The following PDE4B variants were observed in gnomAD, a reference collection of about 807,000 sequenced individuals.
The protein encoded by PDE4B is 3',5'-cyclic-AMP phosphodiesterase 4B.
In PDE4B, 20 loss-of-function variants were observed where a neutral mutation model predicts 82.2. The observed-to-expected ratio is 0.24, with a 90% CI of 0.17 to 0.35. PDE4B has a LOEUF of 0.35. Ranked by LOEUF, PDE4B falls within the 10% of genes least tolerant of loss-of-function variation. PDE4B has a pLI of 1.00. For synonymous variants in PDE4B, 320 were observed against 318.9 expected (o/e 1.00, Z -0.04); for missense variants, 655 against 907.2 (o/e 0.72, Z 3.57).
At position 66,257,926 on chromosome 1, in the gene PDE4B, C is replaced by T. The variant is rs915945164; in HGVS notation, c.584+63C>T. 2.7e-6 allele frequency: 3 copies of T among 1,091,548 alleles called. No homozygotes were observed. In the African/African-American group the frequency reaches 4.7e-5, roughly 17 times the overall value. The allele number at this position is 1,091,548 out of a possible 1,614,324, so 67.6% of individuals were successfully genotyped here. A position where few individuals can be genotyped will look rare whatever the true frequency, so the allele number is the denominator to read the frequency against. On this transcript the variant is annotated intron_variant, in intron 6 of 16. Transcript: ENST00000341517. ...CATAAAGGCAAAAAATATTGAGCAG[C>T]ATTTAAAAAAATACAACTATTACAT...
intron 3 of PDE4B, among the ~76,000 whole-genome samples, chr1:66,018,630 T>A (rs771808140): frequency 2.0e-5 from 3 of 152,156 alleles, no homozygotes; most frequent in Non-Finnish European, 4.4e-5. Context: ...GCAGTGACAA[T>A]TAACAGCTTA....
Position 66,081,822 on chromosome 1 carries a change from CTCTCTCTCTCTGTG to C in PDE4B, c.281+162989_281+163002del, listed in dbSNP as rs1553142758. Among the ~76,000 whole-genome samples, 180 of 128,246 alleles carry C rather than the reference CTCTCTCTCTCTGTG, an allele frequency of 1.4e-3. 3 individuals carry two copies. The East Asian group carries it at 0.018, about 13-fold the overall frequency. 84.1% of individuals were successfully genotyped at this position (128,246 alleles called of 152,430 possible). ...GAAAAGTAAAACTCTCTCTCTCTCTCTCTCTCTCTCTGTGTGTGTGTGTGTGTGTGTGTGTGTGT... is the reference window on the plus strand; with the variant it reads ...GAAAAGTAAAACTCTCTCTCTCTCTCTGTGTGTGTGTGTGTGTGTGTGTGT... On this transcript the variant is annotated intron_variant, in intron 3 of 16. Transcript: ENST00000341517.
At chr1:66,103,772 C>T (rs1275736758) in intron 3 of PDE4B, among the ~76,000 whole-genome samples, 1 of 152,062 alleles carries the variant, frequency 6.6e-6, no homozygotes, top group African/African-American at 2.4e-5. Flanking sequence ...TCCATGTGGT[C>T]TCTGAATGAA....
intron 1 of PDE4B, among the ~76,000 whole-genome samples, chr1:65,853,023 T>C (rs1646348691): frequency 1.3e-5 from 2 of 152,146 alleles, no homozygotes; most frequent in South Asian, 4.1e-4. Flanking sequence ...ATTTTCCTTT[T>C]CAGTTCTGCC....
intron 1 of PDE4B, among the ~76,000 whole-genome samples, chr1:65,804,971 G>A: frequency 8.7e-6 from 1 of 114,752 alleles, no homozygotes; most frequent in East Asian, 3.1e-4. Context: ...GGGGGGGTGG[G>A]TGGGGGGTGG....
At chr1:66,368,453 GTT>G (rs1663414176) in intron 15 of PDE4B, among the ~76,000 whole-genome samples, 1 of 152,204 alleles carries the variant, frequency 6.6e-6, no homozygotes, top group Non-Finnish European at 1.5e-5. Context: ...AAAATATGAA[GTT>G]ATCTACTTTG....
chr1:66,030,848 C>A (rs952632196), intron 3 of PDE4B, among the ~76,000 whole-genome samples: 3 of 152,144 alleles, frequency 2.0e-5, no homozygotes, highest in African/African-American at 7.2e-5. Flanking sequence ...CATAAGTGAC[C>A]TAATGCAAGA....
At chr1:66,204,482 G>A (rs973660805) in intron 3 of PDE4B, among the ~76,000 whole-genome samples, 3 of 152,264 alleles carry the variant, frequency 2.0e-5, no homozygotes, top group South Asian at 4.1e-4. Context: ...TCCTTGAGCT[G>A]TGGTGGGCTC....
At chr1:65,933,331 A>C (rs915114478) in intron 3 of PDE4B, among the ~76,000 whole-genome samples, 3 of 152,082 alleles carry the variant, frequency 2.0e-5, no homozygotes, top group Non-Finnish European at 2.9e-5. Context: ...AAAAAAAAAA[A>C]ACCTGCCAAT....
chr1:65,838,989 G>A (rs774131392), intron 1 of PDE4B, among the ~76,000 whole-genome samples: 1 of 152,042 alleles, frequency 6.6e-6, no homozygotes, highest in Non-Finnish European at 1.5e-5. Context: ...AACTTAAAAA[G>A]GTTGTATTAA....
chr1:66,372,608 A>G lies in PDE4B; in HGVS notation c.2141A>G (p.Glu714Gly), dbSNP rs370636828. Residue 714 changes from glutamate (E) to glycine (G), a missense_variant, in exon 17 of 17, where the codon GAA (glutamate) becomes GGA (glycine). Glu to Gly is a moderately conservative substitution (Grantham distance 98). Around this residue, in one of 3 missense-constraint regions of PDE4B, gnomAD observed 119 missense variants for 115.2 expected, o/e 1.03. Coordinates refer to ENST00000341517, the MANE Select transcript of PDE4B (RefSeq NM_002600.4). ...AAGACGCTTTGTGTGATTGATCCAG[A>G]AAACAGAGATTCCCTGGGAGAGACT... The part of the protein sequence containing the change: ...STKTLCVIDP[E>G]NRDSLGETDI... The G allele has an allele frequency of 1.2e-6, 2 of 1,613,994 alleles. No individual in the cohort carries two copies. The highest frequency in any genetic ancestry group is 1.3e-5 in the African/African-American group (1 of 74,932).
chr1:65,926,229 A>G (rs762546311), intron 3 of PDE4B, among the ~76,000 whole-genome samples: 5 of 152,174 alleles, frequency 3.3e-5, no homozygotes, highest in Admixed American at 6.5e-5. Context: ...TTGACTTGCT[A>G]TTTCCTTACT....
intron 3 of PDE4B, among the ~76,000 whole-genome samples, chr1:66,184,991 C>T (rs1647153523): frequency 6.6e-6 from 1 of 152,034 alleles, no homozygotes; most frequent in South Asian, 2.1e-4. Context: ...CCTCCCCCCT[C>T]CTCCCACCCC....
intron 7 of PDE4B, 127 bp from the exon 8 acceptor site, chr1:66,332,381 G>C: frequency 6.2e-7 from 1 of 1,613,280 alleles, no homozygotes; most frequent in Non-Finnish European, 8.5e-7. Flanking sequence ...AGGAGCCAGC[G>C]TGCAAATAAT....
At chr1:66,302,333 C>T (rs1273141922) in intron 7 of PDE4B, among the ~76,000 whole-genome samples, 1 of 152,198 alleles carries the variant, frequency 6.6e-6, no homozygotes, top group Admixed American at 6.6e-5. Flanking sequence ...ATCTTACTGT[C>T]ATCTGTTACC....
intron 3 of PDE4B, among the ~76,000 whole-genome samples, chr1:66,105,996 G>C (rs1014498011): frequency 7.9e-5 from 12 of 152,094 alleles, no homozygotes; most frequent in African/African-American, 2.9e-4. Context: ...AGTGGTGAGA[G>C]AGGGCATCCC....
At chr1:66,366,865 G>GT (rs1663289955) in intron 13 of PDE4B, among the ~76,000 whole-genome samples, 1 of 152,216 alleles carries the variant, frequency 6.6e-6, no homozygotes, top group Admixed American at 6.5e-5. Flanking sequence ...ATTGGAGGTT[G>GT]TAACTAAGAG....
intron 3 of PDE4B, among the ~76,000 whole-genome samples, chr1:65,996,543 G>A (rs6688477): frequency 0.039 from 5,986 of 152,024 alleles, 400 homozygotes; most frequent in African/African-American, 0.14. Flanking sequence ...TATATTTTAA[G>A]TTTTTTACTA....
At chr1:66,085,160 C>G (rs1471149475) in intron 3 of PDE4B, among the ~76,000 whole-genome samples, 1 of 152,172 alleles carries the variant, frequency 6.6e-6, no homozygotes, top group African/African-American at 2.4e-5. Context: ...CTGTGCCCTA[C>G]CCAGGACCTC....
Sources: allele counts gnomAD v4.1 joint callset (sites outside exome capture counted in the v4.1 genomes callset), GRCh38; gene constraint gnomAD v4.1.1; regional missense constraint gnomAD v4.1.1; transcripts MANE v1.5; gene names NCBI Gene and HGNC (gene_info 2026-07-23, HGNC 2026-07-21).